The following MYBPC3 variants were observed in gnomAD, a reference collection of about 807,000 sequenced individuals.
The protein encoded by MYBPC3 is myosin-binding protein C, cardiac-type.
A neutral mutation model predicts 159.3 loss-of-function variants in MYBPC3; 108 were observed. The ratio of observed to expected loss-of-function variants is 0.68; its 90% CI spans 0.58 to 0.80. The LOEUF (loss-of-function observed/expected upper bound fraction) is 0.80. Among genes scored for constraint, MYBPC3 ranks in the 30% least tolerant of loss-of-function variants. The pLI is 0.00. For synonymous variants in MYBPC3, 730 were observed against 702.0 expected, an observed-to-expected ratio of 1.04 and a Z score of -0.63; for missense variants, 1,631 against 1,762.1, an observed-to-expected ratio of 0.93 and a Z score of 1.33.
Position 47,337,488 on chromosome 11 carries a change from G to T in MYBPC3, c.2505C>A (p.Arg835=), listed in dbSNP as rs561942028. The stretch of plus-strand genomic sequence containing the variant: ...TCTCGTACACCACGCCCTCGATCAT[G>T]CGCCGCGCTTCATGACTCAGCTCCT... The part of the protein sequence containing the change: ...LIQELSHEAR[R]MIEGVVYEMR... The change falls in exon 25 of 35, where the codon CGC becomes CGA. Residue 835 remains arginine, a synonymous_variant. Coordinates refer to ENST00000545968, the MANE Select transcript of MYBPC3 (RefSeq NM_000256.3). 1 of 1,613,972 alleles carries T rather than the reference G, an allele frequency of 6.2e-7. No homozygotes were observed. Among genetic ancestry groups the T allele is most frequent in the Non-Finnish European group, 8.5e-7 (1 of 1,179,892 alleles).
rs121909377 is a variant in MYBPC3 at position 47,333,238 on chromosome 11, C to T, written c.3286G>A (p.Glu1096Lys). The T allele has an allele frequency of 1.9e-6, 3 of 1,588,758 alleles. No individual in the cohort carries two copies. Among genetic ancestry groups the T allele is most frequent in the Admixed American group, 3.5e-5 (2 of 56,356 alleles). Reference protein sequence around the residue: ...WKPPQDVGNTELWGYTVQKAD... With the variant: ...WKPPQDVGNTKLWGYTVQKAD... ...TTCTGCACTGTGTACCCCCAGAGCT[C>T]CGTGTTGCCGACATCCTGGGGTGGC... The change falls in exon 30 of 35, where the codon GAG becomes AAG. Residue 1096 changes from glutamate (E) to lysine (K), a missense_variant. Transcript: ENST00000545968.
rs121909374 is a variant in MYBPC3, at chr11:47,342,578, C to G, written c.1624G>C (p.Glu542Gln). The G allele has an allele frequency of 4.2e-5, 67 of 1,594,908 alleles. No individual in the cohort carries two copies. The highest frequency in any genetic ancestry group is 5.3e-5 in the African/African-American group (4 of 74,774). Reference sequence around the variant, plus strand: ...CATGTGCCCCCCCAGCCAGGCTCACCCTGCACAATGAGCTCAGCCAGCGCC... The same window carrying G: ...CATGTGCCCCCCCAGCCAGGCTCACGCTGCACAATGAGCTCAGCCAGCGCC... ...GQALAELIVQ[E>Q]KKLEVYQSIA... The change falls in exon 17 of 35, where the codon GAA becomes CAA. Residue 542 changes from glutamate to glutamine, a missense_variant and splice_region_variant. Glu to Gln is a conservative substitution (Grantham distance 29). Transcript: ENST00000545968.
At position 47,351,236 on chromosome 11, in the gene MYBPC3, T is replaced by C. The variant is rs2142869308; in HGVS notation, c.292+3A>G. 2 of 1,527,048 alleles carry C rather than the reference T, an allele frequency of 1.3e-6. No individual in the cohort carries two copies. The highest frequency in any genetic ancestry group is 1.8e-6 in the Non-Finnish European group (2 of 1,128,228). The allele number at this position is 1,527,048 out of a possible 1,614,324, so 94.6% of individuals were successfully genotyped here. ...CCTCAGGGAAGGCTGATCAGGATCTTACCTGCCTCTATGACCTTGAGGTCG... is the reference window on the plus strand; with the variant it reads ...CCTCAGGGAAGGCTGATCAGGATCTCACCTGCCTCTATGACCTTGAGGTCG... On this transcript the variant is annotated splice_donor_region_variant and intron_variant, in intron 2 of 34. Coordinates refer to ENST00000545968, the MANE Select transcript of MYBPC3 (RefSeq NM_000256.3). The surrounding 1 kb of genome is among the most constrained non-coding windows in gnomAD (Gnocchi z 4.2).
chr11:47,343,399 C>T (rs984612996), intron 13 of MYBPC3, 93 bp downstream of exon 13: 18 of 1,491,196 alleles, frequency 1.2e-5, no homozygotes, highest in East Asian at 4.9e-5. Context: ...AGAGCCACAC[C>T]GAGTCAGAGA....
In MYBPC3 at chr11:47,347,895, G is replaced by A; in HGVS notation, c.783C>T (p.Gly261=). ...NFNLTVHEAM[G]TGDLDLLSAF... ...CTGATAGGAGGTCCAGGTCTCCGGT[G>A]CCCATGGCCTCTGGGTTCAAAGGGT... The change falls in exon 7 of 35, where the codon GGC becomes GGT. Residue 261 remains glycine (G), a synonymous_variant. Coordinates refer to ENST00000545968, the MANE Select transcript of MYBPC3 (RefSeq NM_000256.3). The A allele has an allele frequency of 6.4e-7, 1 of 1,573,028 alleles. No homozygotes were observed. Among genetic ancestry groups the A allele is most frequent in the Non-Finnish European group, 8.6e-7 (1 of 1,159,672 alleles).
At chr11:47,349,376 T>G (rs2095897919) in intron 5 of MYBPC3, among the ~76,000 whole-genome samples, 1 of 152,158 alleles carries the variant, frequency 6.6e-6, no homozygotes, top group Admixed American at 6.5e-5. Flanking sequence ...GAGAGTCCCT[T>G]GAGCCCTTAG....
Position 47,351,423 on chromosome 11 carries a change from T to C in MYBPC3, c.108A>G (p.Ala36=), listed in dbSNP as rs754870909. 43 of 1,610,184 alleles carry C rather than the reference T, an allele frequency of 2.7e-5. No homozygotes were observed. Among genetic ancestry groups the C allele is most frequent in the Non-Finnish European group, 3.5e-5 (41 of 1,178,862 alleles). The change falls in exon 2 of 35, where the codon GCA becomes GCG. Residue 36 remains alanine, a synonymous_variant. Coordinates refer to ENST00000545968, the MANE Select transcript of MYBPC3 (RefSeq NM_000256.3). The surrounding 1 kb of genome is among the most constrained non-coding windows in gnomAD (Gnocchi z 4.2). ...PAVFEAETER[A]GVKVRWQRGG... is the part of the protein sequence containing the mutation. ...CGCGCTGCCAGCGCACCTTCACTCC[T>C]GCCCGCTCTGTCTCGGCCTCGAACA...
In MYBPC3 at chr11:47,338,436, T is replaced by C. The variant is rs2095884761; in HGVS notation, c.2308+84A>G. 2.5e-6 allele frequency: 4 copies of C among 1,582,320 alleles called. No homozygotes were observed. Among genetic ancestry groups the C allele is most frequent in the Middle Eastern group, 1.7e-4 (1 of 5,972 alleles). The stretch of plus-strand genomic sequence containing the variant: ...TCAGGGAGCATGCCCGTGATGTTTG[T>C]CGAGTGGCTGAATGAGCGAACGGAT... On this transcript the variant is annotated intron_variant, in intron 23 of 34. Coordinates refer to ENST00000545968, the MANE Select transcript of MYBPC3 (RefSeq NM_000256.3). This position sits in a 1 kb window ranked among gnomAD's most constrained non-coding sequence, Gnocchi z 4.7.
chr11:47,347,516 G>A (rs1478943308), intron 8 of MYBPC3, 37 bp from the exon 9 acceptor site: 86 of 1,582,890 alleles, frequency 5.4e-5, no homozygotes, highest in Non-Finnish European at 7.3e-5. Context: ...TGCAGTGAGG[G>A]ACTGGAAAGG....
rs886048382 is a variant in MYBPC3, at chr11:47,348,428, G to T, written c.768C>A (p.Val256=). 1 of 1,607,346 alleles carries T rather than the reference G, an allele frequency of 6.2e-7. No individual in the cohort carries two copies. The highest frequency in any genetic ancestry group is 1.3e-5 in the African/African-American group (1 of 74,920). Residue 256 remains valine (V), a synonymous_variant, in exon 6 of 35, where the codon GTC becomes GTA. Coordinates refer to ENST00000545968, the MANE Select transcript of MYBPC3 (RefSeq NM_000256.3). ...CAGACACCAGGGCCCCCTCACCGTG[G>T]ACAGTGAGATTGAAGTTGGAGCAGT... ...KFDCSNFNLT[V]HEAMGTGDLD... is the part of the protein sequence containing the mutation.
chr11:47,342,653 C>G lies in MYBPC3; in HGVS notation c.1549G>C (p.Ala517Pro), dbSNP rs1565627873. 2 of 1,614,038 alleles carry G rather than the reference C, an allele frequency of 1.2e-6. No individual in the cohort carries two copies. The highest frequency in any genetic ancestry group is 4.5e-5 in the East Asian group (2 of 44,886). ...TAGTGCCCCGCGTCCTCCAGCATGG[C>G]CTCGTTGATGATCAGGTGGTGTCTC... ...GQRHHLIINE[A>P]MLEDAGHYAL... The change falls in exon 17 of 35, where the codon GCC becomes CCC. Residue 517 changes from alanine (A) to proline (P), a missense_variant. Physicochemically the swap from Ala to Pro is conservative, Grantham distance 27 (BLOSUM62 -1). Coordinates refer to ENST00000545968, the MANE Select transcript of MYBPC3 (RefSeq NM_000256.3).
chr11:47,349,721 T>C, intron 5 of MYBPC3, 53 bp downstream of exon 5: 2 of 1,579,616 alleles, frequency 1.3e-6, no homozygotes, highest in East Asian at 2.3e-5. Flanking sequence ...TTGTGCCTTC[T>C]AGGGCTCTCC....
chr11:47,350,998 G>A (rs2095900187), intron 2 of MYBPC3, among the ~76,000 whole-genome samples: 1 of 152,196 alleles, frequency 6.6e-6, no homozygotes, highest in East Asian at 1.9e-4. Context: ...GGGAGAGTGG[G>A]GTTGTGTCTT....
Position 47,332,118 on chromosome 11 carries a change from G to T in MYBPC3, c.3768C>A (p.Thr1256=), listed in dbSNP as rs1394764478. 1 of 1,613,552 alleles carries T rather than the reference G, an allele frequency of 6.2e-7. No homozygotes were observed. ...CACACCGTGCCTCGCCCTGTAAGTT[G>T]GTGGCCCTGCAGACATAGATGCCCC... ...FDGGIYVCRA[T]NLQGEARCEC... Residue 1256 remains threonine, a synonymous_variant, in exon 33 of 35, where the codon ACC becomes ACA. Transcript: ENST00000545968. This position sits in a 1 kb window ranked among gnomAD's most constrained non-coding sequence, Gnocchi z 4.2.
rs886048380 is a variant in MYBPC3, at chr11:47,343,602, C to T, written c.1113G>A (p.Pro371=). 6 of 1,612,334 alleles carry T rather than the reference C, an allele frequency of 3.7e-6. No individual in the cohort carries two copies. The highest frequency in any genetic ancestry group is 4.2e-6 in the Non-Finnish European group (5 of 1,179,516). ...TGTGGCCTTTGCTCACCTGGTAGGC[C>T]GGCTCCAGCTTCTTCTGAAAGGCTG... ...KSTAFQKKLE[P]AYQVSKGHKI... is the part of the protein sequence containing the mutation. The change falls in exon 13 of 35, where the codon CCG becomes CCA. Residue 371 remains proline (P), a synonymous_variant. Coordinates refer to ENST00000545968, the MANE Select transcript of MYBPC3 (RefSeq NM_000256.3).
intron 8 of MYBPC3, 33 bp downstream of exon 8, chr11:47,347,618 G>A (rs1343206721): frequency 4.5e-6 from 7 of 1,567,932 alleles, no homozygotes; most frequent in Admixed American, 3.8e-5. Context: ...GGGGGTCTGC[G>A]GATGGTGCAG....
chr11:47,332,422 C>A lies in MYBPC3; in HGVS notation c.3627+144G>T. The A allele has an allele frequency of 7.1e-7, 1 of 1,418,252 alleles. No homozygotes were observed. Among genetic ancestry groups the A allele is most frequent in the East Asian group, 2.3e-5 (1 of 43,002 alleles). The allele number at this position is 1,418,252 out of a possible 1,614,324, so 87.9% of individuals were successfully genotyped here. On this transcript the variant is annotated intron_variant, in intron 32 of 34. Coordinates refer to ENST00000545968, the MANE Select transcript of MYBPC3 (RefSeq NM_000256.3). The surrounding 1 kb of genome is among the most constrained non-coding windows in gnomAD (Gnocchi z 4.2). ...ATGGAACCAAGAGTGAGTACCATGG[C>A]CCTGCCCAGGGGGAGGAACCCGGTC...
In MYBPC3 at chr11:47,347,271, C is replaced by T. The variant is rs2095895257; in HGVS notation, c.905+155G>A. On this transcript the variant is annotated intron_variant, in intron 9 of 34. Coordinates refer to ENST00000545968, the MANE Select transcript of MYBPC3 (RefSeq NM_000256.3). ...ACATAATGTCTGCAGAGCCCTTTAA[C>T]TCCTTCCACACTGGGATCATCCCCT... 4 of 1,502,132 alleles carry T rather than the reference C, an allele frequency of 2.7e-6. No individual in the cohort carries two copies. The South Asian group carries it at 4.0e-5, about 15-fold the overall frequency. 93.1% of individuals were successfully genotyped at this position (1,502,132 alleles called of 1,614,324 possible). A position where few individuals can be genotyped will look rare whatever the true frequency, so the allele number is the denominator to read the frequency against.
At position 47,342,060 on chromosome 11, in the gene MYBPC3, C is replaced by A. The variant is rs397515922; in HGVS notation, c.1721G>T (p.Arg574Leu). The A allele has an allele frequency of 4.3e-6, 7 of 1,612,656 alleles. No individual in the cohort carries two copies. The highest frequency in any genetic ancestry group is 5.9e-6 in the Non-Finnish European group (7 of 1,179,334). ...FKCEVSDENV[R>L]GVWLKNGKEL... is the part of the protein sequence containing the mutation. ...CTTCCCATTCTTCAGCCACACACCCCGAACATTCTCATCTGAGACCTCACA... is the reference window on the plus strand; with the variant it reads ...CTTCCCATTCTTCAGCCACACACCCAGAACATTCTCATCTGAGACCTCACA... The change falls in exon 18 of 35, where the codon CGG becomes CTG. Residue 574 changes from arginine to leucine, a missense_variant. Transcript: ENST00000545968.
Sources: gnomAD v4.1 joint callset for allele counts (sites outside exome capture counted in the v4.1 genomes callset) on GRCh38, gnomAD v4.1.1 for gene constraint, Gnocchi (gnomAD v3.1) non-coding constraint, MANE v1.5 for transcripts, NCBI Gene and HGNC (gene_info 2026-07-23, HGNC 2026-07-21) for gene names.